The following SYCE1 variants were observed in gnomAD, a reference collection of about 807,000 sequenced individuals.
The protein encoded by SYCE1 is cancer/testis antigen 76.
A neutral mutation model predicts 55.1 loss-of-function variants in SYCE1; 37 were observed. That is an observed-to-expected ratio of 0.67 (90% CI 0.52 to 0.88). The LOEUF is 0.88. SYCE1 is among the 40% of genes least tolerant of loss of function. The probability of loss-of-function intolerance (pLI) is 0.00; values close to 1 mark genes in which losing one functional copy is unlikely to be tolerated. For missense variants in SYCE1, 399 were observed against 416.4 expected, an observed-to-expected ratio of 0.96 and a Z score of 0.36; for synonymous variants, 163 against 159.4, an observed-to-expected ratio of 1.02 and a Z score of -0.17.
intron 3 of SYCE1, 138 bp downstream of exon 3, chr10:133,559,163 T>C (rs7070014): frequency 2.0e-6 from 2 of 1,016,512 alleles, no homozygotes; most frequent in East Asian, 4.9e-5. Flanking sequence ...AAATGCCCTG[T>C]ACTTAATTTA....
At position 133,556,036 on chromosome 10, in the gene SYCE1, C is replaced by A. The variant is rs1262388894; in HGVS notation, c.540G>T (p.Arg180=). 1.2e-6 allele frequency: 2 copies of A among 1,613,914 alleles called. No homozygotes were observed. Among genetic ancestry groups the A allele is most frequent in the Non-Finnish European group, 1.7e-6 (2 of 1,180,008 alleles). ...KDLWDFHMPE[R]LAKEICALDS... The stretch of plus-strand genomic sequence containing the variant: ...CCAGGGCACAAATCTCCTTTGCCAG[C>A]CGCTCTGGCATCTGAGGGGCAGAAA... Residue 180 remains arginine (R), a synonymous_variant, in exon 9 of 13, where the codon CGG becomes CGT. Transcript: ENST00000343131.
intron 3 of SYCE1, 141 bp downstream of exon 3, chr10:133,559,160 C>G: frequency 1.0e-6 from 1 of 1,004,102 alleles, no homozygotes; most frequent in South Asian, 1.5e-5. Context: ...CTGAAATGCC[C>G]TGTACTTAAT....
downstream of SYCE1, chr10:133,554,170 G>A: frequency 3.5e-6 from 3 of 856,800 alleles, no homozygotes; most frequent in Non-Finnish European, 5.7e-6. Flanking sequence ...GTTTGTTTAA[G>A]ACAGGTATGA....
At chr10:133,556,112 T>C in intron 8 of SYCE1, 65 bp from the exon 9 acceptor site, 1 of 1,580,242 alleles carries the variant, frequency 6.3e-7, no homozygotes, top group Admixed American at 1.7e-5. Context: ...AAGAAGGCTA[T>C]CTGGATCTTG....
chr10:133,562,099 G>A (rs1851827112), intron 1 of SYCE1, among the ~76,000 whole-genome samples: 3 of 151,588 alleles, frequency 2.0e-5, no homozygotes, highest in African/African-American at 7.3e-5. Context: ...TTCCATGACA[G>A]CCTGGGTTTG....
At chr10:133,561,683 T>C (rs1186450543) in intron 1 of SYCE1, among the ~76,000 whole-genome samples, 1 of 152,188 alleles carries the variant, frequency 6.6e-6, no homozygotes, top group South Asian at 2.1e-4. Flanking sequence ...CAGCTGGTCT[T>C]AATTTTTCCT....
chr10:133,555,328 T>C (rs369251338), intron 12 of SYCE1, 23 bp downstream of exon 12: 1 of 1,613,464 alleles, frequency 6.2e-7, no homozygotes, highest in Non-Finnish European at 8.5e-7. Context: ...TTCTGTTCCC[T>C]GACGCCCACT....
At position 133,557,133 on chromosome 10, in the gene SYCE1, C is replaced by A. The variant is rs375785613; in HGVS notation, c.398G>T (p.Cys133Phe). 5 of 1,614,142 alleles carry A rather than the reference C, an allele frequency of 3.1e-6. No individual in the cohort carries two copies. The highest frequency in any genetic ancestry group is 3.4e-6 in the Non-Finnish European group (4 of 1,180,026). Residue 133 changes from cysteine (C) to phenylalanine (F), a missense_variant, in exon 7 of 13, where the codon TGC (cysteine) becomes TTC (phenylalanine). Cys to Phe is a radical substitution (Grantham distance 205). Transcript: ENST00000343131. Reference sequence around the variant, plus strand: ...GTTCAGGGCAGAAATTCTCTCCTTGCACTCCTGCAACATGGTGTGCTTCCT... The same window carrying A: ...GTTCAGGGCAGAAATTCTCTCCTTGAACTCCTGCAACATGGTGTGCTTCCT... ...AHRKHTMLQE[C>F]KERISALNLQ...
At chr10:133,563,353 C>T (rs1024903045) in intron 1 of SYCE1, among the ~76,000 whole-genome samples, 1 of 152,066 alleles carries the variant, frequency 6.6e-6, no homozygotes, top group Non-Finnish European at 1.5e-5. Context: ...AGCACATACA[C>T]AGGATGAAAT....
chr10:133,554,198 A>C, downstream of SYCE1: 1 of 1,159,382 alleles, frequency 8.6e-7, no homozygotes. Context: ...CATCTTAGAG[A>C]ACTCGTCTGT....
intron 6 of SYCE1, chr10:133,557,548 T>C: frequency 2.0e-6 from 1 of 501,934 alleles, no homozygotes; most frequent in Admixed American, 3.3e-5. Flanking sequence ...GACAAATGGT[T>C]GGCTCAATGC....
At position 133,555,784 on chromosome 10, in the gene SYCE1, T is replaced by C; in HGVS notation, c.715A>G (p.Thr239Ala). ...LFLRSQEAAATVQLFQEEHRK... is the reference protein window; with the variant it reads ...LFLRSQEAAAAVQLFQEEHRK... ...CTCTTCCCCTCCACATCTTACACTGTGGCTGCAGCCTCCTGGCTGCGGAGA... is the reference window on the plus strand; with the variant it reads ...CTCTTCCCCTCCACATCTTACACTGCGGCTGCAGCCTCCTGGCTGCGGAGA... Residue 239 changes from threonine (T) to alanine (A), a missense_variant, in exon 10 of 13, where the codon ACA becomes GCA. By Grantham distance (58) the Thr-to-Ala change is moderately conservative (BLOSUM62 0). Coordinates refer to ENST00000343131, the MANE Select transcript of SYCE1 (RefSeq NM_001143764.3). The C allele has an allele frequency of 1.2e-6, 2 of 1,612,754 alleles. No homozygotes were observed. The highest frequency in any genetic ancestry group is 1.7e-6 in the Non-Finnish European group (2 of 1,179,938).
At position 133,560,908 on chromosome 10, in the gene SYCE1, G is replaced by A. The variant is rs559373261; in HGVS notation, c.74-755C>T. ...TACTCAGATAAATGCATATCTGATT[G>A]CCTCCTTTGGAAAGGCTAATCGGAA... On this transcript the variant is annotated intron_variant, in intron 1 of 12. Coordinates refer to ENST00000343131, the MANE Select transcript of SYCE1 (RefSeq NM_001143764.3). 3 of 152,154 alleles carry A rather than the reference G, an allele frequency of 2.0e-5. No homozygotes were observed. The South Asian group carries it at 6.2e-4, about 32-fold the overall frequency. The allele number at this position is 152,154 out of a possible 1,614,324, so 9.4% of individuals were successfully genotyped here. A position where few individuals can be genotyped will look rare whatever the true frequency, so the allele number is the denominator to read the frequency against.
intron 1 of SYCE1, 126 bp from the exon 2 acceptor site, chr10:133,560,279 G>A: frequency 2.8e-6 from 2 of 714,208 alleles, no homozygotes; most frequent in Non-Finnish European, 4.8e-6. Flanking sequence ...TCCTGAGGTG[G>A]ACAGTACACT....
downstream of SYCE1, chr10:133,554,743 C>G: frequency 8.0e-7 from 1 of 1,250,372 alleles, no homozygotes; most frequent in Non-Finnish European, 1.1e-6. Context: ...CAGGTGGGTT[C>G]CAGACCTCCT....
upstream of SYCE1, among the ~76,000 whole-genome samples, chr10:133,566,516 G>A: frequency 6.9e-6 from 1 of 145,422 alleles, no homozygotes; most frequent in East Asian, 2.1e-4. Context: ...AGTGTTAGGG[G>A]TAGGGGAAGG....
At chr10:133,558,550 C>T in intron 4 of SYCE1, 1 of 523,762 alleles carries the variant, frequency 1.9e-6, no homozygotes. Flanking sequence ...AGGCAGGGTG[C>T]CATCTTTAAA....
At position 133,559,442 on chromosome 10, in the gene SYCE1, G is replaced by A. The variant is rs1263112059; in HGVS notation, c.137-82C>T. ...AGCCTTGTGTCTCTGCTGCTTTCAC[G>A]CAACACAGATCTATTGAGTACCTCC... On this transcript the variant is annotated intron_variant, in intron 2 of 12. Transcript: ENST00000343131. 7 of 1,368,960 alleles carry A rather than the reference G, an allele frequency of 5.1e-6. No homozygotes were observed. The Admixed American group carries it at 6.8e-5, about 13-fold the overall frequency. 84.8% of individuals were successfully genotyped at this position (1,368,960 alleles called of 1,614,324 possible). A position where few individuals can be genotyped will look rare whatever the true frequency, so the allele number is the denominator to read the frequency against.
At chr10:133,565,013 C>T (rs11101842) in intron 1 of SYCE1, among the ~76,000 whole-genome samples, 13,925 of 152,038 alleles carry the variant, frequency 0.092, 793 homozygotes, top group East Asian at 0.25. Context: ...CCCGGCTCCC[C>T]GGGGCGTCGG....
Sources: gnomAD v4.1 joint callset for allele counts (sites outside exome capture counted in the v4.1 genomes callset) on GRCh38, gnomAD v4.1.1 for gene constraint, MANE v1.5 for transcripts, NCBI Gene and HGNC (gene_info 2026-07-23, HGNC 2026-07-21) for gene names.